The following PTPRZ1 variants were observed in gnomAD, a reference collection of about 807,000 sequenced individuals.
PTPRZ1 encodes receptor-type tyrosine-protein phosphatase zeta.
A neutral mutation model predicts 214.1 loss-of-function variants in PTPRZ1; 82 were observed. That is an observed-to-expected ratio of 0.38 (90% CI 0.32 to 0.46). The LOEUF (loss-of-function observed/expected upper bound fraction) is 0.46. PTPRZ1 is among the 20% of genes least tolerant of loss of function. The pLI is 1.00. For synonymous variants in PTPRZ1, 945 were observed against 987.9 expected (o/e 0.96, Z 0.81); for missense variants, 2,603 against 2,748.7 (o/e 0.95, Z 1.19).
rs370974972 is a variant in PTPRZ1, at chr7:122,051,486, A to T, written c.6143A>T (p.Asn2048Ile). 6.2e-7 allele frequency: 1 copy of T among 1,613,774 alleles called. No homozygotes were observed. The highest frequency in any genetic ancestry group is 8.5e-7 in the Non-Finnish European group (1 of 1,179,754). ...SDYSAALKQC[N>I]REKNRTSSII... The stretch of plus-strand genomic sequence containing the variant: ...TATTCTGCAGCCCTAAAGCAATGCA[A>T]CAGGGAAAAGAATCGAACTTCTTCT... Residue 2048 changes from asparagine to isoleucine, a missense_variant, in exon 24 of 30, where the codon AAC becomes ATC. Physicochemically the swap from Asn to Ile is moderately radical, Grantham distance 149. This residue lies in a region of PTPRZ1 where 134 missense variants were observed against 183.3 expected (regional missense o/e 0.73). Coordinates refer to ENST00000393386, the MANE Select transcript of PTPRZ1 (RefSeq NM_002851.3).
chr7:121,983,009 C>T (rs528435858), intron 6 of PTPRZ1, among the ~76,000 whole-genome samples: 57 of 152,324 alleles, frequency 3.7e-4, no homozygotes, highest in African/African-American at 1.3e-3. Flanking sequence ...GAACTCCTGA[C>T]TTCGTGATCC....
At chr7:121,885,440 C>T (rs1794368659) in intron 1 of PTPRZ1, among the ~76,000 whole-genome samples, 1 of 152,160 alleles carries the variant, frequency 6.6e-6, no homozygotes, top group Admixed American at 6.6e-5. Context: ...CGTGAAATCA[C>T]ATTTAATTAG....
intron 15 of PTPRZ1, 65 bp downstream of exon 15, chr7:122,031,624 T>C: frequency 8.4e-7 from 1 of 1,196,050 alleles, no homozygotes; most frequent in Non-Finnish European, 1.2e-6. Flanking sequence ...GATTCAGCAA[T>C]AGGCTATTTC....
At chr7:121,939,859 G>A (rs1179327224) in intron 2 of PTPRZ1, among the ~76,000 whole-genome samples, 2 of 152,090 alleles carry the variant, frequency 1.3e-5, no homozygotes, top group Non-Finnish European at 2.9e-5. Flanking sequence ...TGGTGTTAAT[G>A]TAAGGTACGG....
In PTPRZ1 at chr7:122,011,271, A is replaced by G. The variant is rs773505548; in HGVS notation, c.2225A>G (p.Asn742Ser). The G allele has an allele frequency of 6.2e-7, 1 of 1,613,964 alleles. No homozygotes were observed. Among genetic ancestry groups the G allele is most frequent in the South Asian group, 1.1e-5 (1 of 91,078 alleles). Residue 742 changes from asparagine to serine, a missense_variant, in exon 12 of 30, where the codon AAC becomes AGC. This residue lies in a region of PTPRZ1 where 1,913 missense variants were observed against 1,914.3 expected (regional missense o/e 1.00). Coordinates refer to ENST00000393386, the MANE Select transcript of PTPRZ1 (RefSeq NM_002851.3). Reference protein sequence around the residue: ...SRQQDLVSTVNVVYSQTTQPV... With the variant: ...SRQQDLVSTVSVVYSQTTQPV... ...CAACAGGATTTGGTCTCCACGGTCAACGTGGTATACTCGCAGACAACCCAA... is the reference window on the plus strand; with the variant it reads ...CAACAGGATTTGGTCTCCACGGTCAGCGTGGTATACTCGCAGACAACCCAA...
intron 20 of PTPRZ1, among the ~76,000 whole-genome samples, chr7:122,040,569 C>A (rs1799692962): frequency 6.6e-6 from 1 of 152,154 alleles, no homozygotes; most frequent in Non-Finnish European, 1.5e-5. Context: ...ACCTTTACAG[C>A]AACATTTTGT....
At chr7:122,007,866 T>A (rs1476778503) in intron 11 of PTPRZ1, among the ~76,000 whole-genome samples, 1 of 152,126 alleles carries the variant, frequency 6.6e-6, no homozygotes, top group Non-Finnish European at 1.5e-5. Context: ...TAGTCAGATA[T>A]GAATAAAGTA....
chr7:121,994,007 TAACA>T (rs1315984195), intron 8 of PTPRZ1, among the ~76,000 whole-genome samples: 1 of 152,138 alleles, frequency 6.6e-6, no homozygotes, highest in African/African-American at 2.4e-5. Context: ...AACAAATAAC[TAACA>T]AACTCTTACA....
chr7:122,056,936 T>G (rs1352326194), intron 27 of PTPRZ1, among the ~76,000 whole-genome samples: 2 of 152,010 alleles, frequency 1.3e-5, no homozygotes, highest in Non-Finnish European at 2.9e-5. Context: ...CTACTCAGAT[T>G]TATCTATGTA....
chr7:122,004,401 G>C (rs1305483671), intron 10 of PTPRZ1, among the ~76,000 whole-genome samples: 1 of 152,116 alleles, frequency 6.6e-6, no homozygotes, highest in East Asian at 1.9e-4. Context: ...GATTTGGGTA[G>C]AGTTACATAT....
chr7:121,992,647 GA>G (rs1364088960), intron 8 of PTPRZ1, among the ~76,000 whole-genome samples: 4 of 152,238 alleles, frequency 2.6e-5, no homozygotes, highest in African/African-American at 9.6e-5. Flanking sequence ...GCAGAATTTA[GA>G]ATCTAAAACC....
At chr7:121,963,323 A>G (rs1796936528) in intron 2 of PTPRZ1, among the ~76,000 whole-genome samples, 1 of 152,190 alleles carries the variant, frequency 6.6e-6, no homozygotes, top group South Asian at 2.1e-4. Flanking sequence ...GACAGCAAAA[A>G]CTGGCACTAG....
At chr7:121,972,219 C>T (rs973873903) in intron 3 of PTPRZ1, among the ~76,000 whole-genome samples, 1 of 151,760 alleles carries the variant, frequency 6.6e-6, no homozygotes, top group East Asian at 1.9e-4. Flanking sequence ...CTTCTTATTA[C>T]CATCTGACAT....
chr7:122,004,802 T>G (rs1798434558), intron 11 of PTPRZ1, 142 bp downstream of exon 11: 1 of 510,552 alleles, frequency 2.0e-6, no homozygotes. Context: ...AAGCTTTATA[T>G]ATAGATAGTC....
At chr7:122,016,381 CAAG>C (rs1306602182) in intron 12 of PTPRZ1, among the ~76,000 whole-genome samples, 2 of 151,862 alleles carry the variant, frequency 1.3e-5, no homozygotes, top group Non-Finnish European at 2.9e-5. Flanking sequence ...TGAGCCATCT[CAAG>C]GAGATATTTT....
chr7:121,962,138 A>G (rs1796897274), intron 2 of PTPRZ1, among the ~76,000 whole-genome samples: 1 of 152,142 alleles, frequency 6.6e-6, no homozygotes, highest in South Asian at 2.1e-4. Context: ...TAAACATATT[A>G]ATTTGGGAAT....
At chr7:122,034,031 T>TC (rs1480867321) in intron 15 of PTPRZ1, 64 bp from the exon 16 acceptor site, 16 of 1,443,568 alleles carry the variant, frequency 1.1e-5, no homozygotes, top group East Asian at 2.3e-5. Flanking sequence ...CGCTTTTTTT[T>TC]CTCATTTGTC....
intron 6 of PTPRZ1, among the ~76,000 whole-genome samples, chr7:121,979,113 T>C (rs1405734010): frequency 6.6e-6 from 1 of 152,040 alleles, no homozygotes; most frequent in Admixed American, 6.6e-5. Flanking sequence ...GATTATAAGA[T>C]CTATCTTACT....
intron 29 of PTPRZ1, among the ~76,000 whole-genome samples, chr7:122,060,587 T>C (rs984424302): frequency 1.3e-5 from 2 of 152,206 alleles, no homozygotes; most frequent in Non-Finnish European, 2.9e-5. Context: ...CCAGTTGGGC[T>C]GATAGAATGT....
Sources: gnomAD v4.1 joint callset for allele counts (sites outside exome capture counted in the v4.1 genomes callset) on GRCh38, gnomAD v4.1.1 for gene constraint, gnomAD v4.1.1 regional missense constraint, MANE v1.5 for transcripts, NCBI Gene and HGNC (gene_info 2026-07-23, HGNC 2026-07-21) for gene names.